Variants in MEF2C observed in about 807,000 individuals in gnomAD.
MEF2C encodes the protein myocyte enhancer factor 2C.
A neutral mutation model predicts 50.5 loss-of-function variants in MEF2C; 6 were observed. The observed-to-expected ratio is 0.12, with a 90% CI of 0.07 to 0.23. The LOEUF (loss-of-function observed/expected upper bound fraction) is 0.23. Among genes scored for constraint, MEF2C ranks in the 10% least tolerant of loss-of-function variants. The pLI, the probability that MEF2C is intolerant of heterozygous loss-of-function variation, is 1.00. For missense variants in MEF2C, 276 were observed against 605.0 expected, an observed-to-expected ratio of 0.46 and a Z score of 5.70; for synonymous variants, 183 against 228.0, an observed-to-expected ratio of 0.80 and a Z score of 1.78.
chr5:88,800,203 G>A (rs1227146545), intron 3 of MEF2C, among the ~76,000 whole-genome samples: 1 of 152,138 alleles, frequency 6.6e-6, no homozygotes, highest in East Asian at 1.9e-4. Flanking sequence ...GTTACAAAAC[G>A]TGCTGGATAT....
At chr5:88,782,338 T>C (rs1245111770) in intron 3 of MEF2C, 1 of 195,880 alleles carries the variant, frequency 5.1e-6, no homozygotes, top group Non-Finnish European at 9.2e-6. Flanking sequence ...TGGTGGTATG[T>C]GCCTGTGGTC....
chr5:88,896,607 T>TA lies in MEF2C; in HGVS notation c.-240+7308dup, dbSNP rs142468757. 1.2e-3 allele frequency among the ~76,000 whole-genome samples: 186 copies of TA among 152,306 alleles called. 1 individual carries two copies. The highest frequency in any genetic ancestry group is 4.4e-3 in the African/African-American group (182 of 41,564). On this transcript the variant is annotated intron_variant, in intron 1 of 11. Transcript: ENST00000340208. ...AATATTTCCCAACTTAGTGTAGTCT[T>TA]AAATCTTTAAATAAAGAGTATCCAT...
intron 1 of MEF2C, among the ~76,000 whole-genome samples, chr5:88,837,230 T>C (rs1815508579): frequency 6.6e-6 from 1 of 152,064 alleles, no homozygotes; most frequent in Non-Finnish European, 1.5e-5. Flanking sequence ...TTCAGACCAA[T>C]ACTTGGCTCA....
chr5:88,848,135 C>T (rs1284044661), intron 1 of MEF2C, among the ~76,000 whole-genome samples: 1 of 152,034 alleles, frequency 6.6e-6, no homozygotes, highest in Non-Finnish European at 1.5e-5. Context: ...CTTTAATTGT[C>T]ATAACTTTTA....
intron 5 of MEF2C, chr5:88,749,594 A>T (rs1771632649): frequency 3.0e-6 from 2 of 665,162 alleles, no homozygotes; most frequent in Non-Finnish European, 3.7e-6. Context: ...TTATTGACTG[A>T]CACAATATAA....
chr5:88,782,144 A>G, intron 3 of MEF2C: 1 of 980,732 alleles, frequency 1.0e-6, no homozygotes, highest in African/African-American at 1.7e-5. Context: ...TTATGTTTCA[A>G]TTTACTGTAA....
chr5:88,854,054 A>C (rs1822352928), intron 1 of MEF2C, among the ~76,000 whole-genome samples: 1 of 152,224 alleles, frequency 6.6e-6, no homozygotes, highest in Non-Finnish European at 1.5e-5. Flanking sequence ...AGGTGGAAGC[A>C]TTCTTTATCT....
intron 3 of MEF2C, among the ~76,000 whole-genome samples, chr5:88,774,595 A>G (rs1783962753): frequency 6.6e-6 from 1 of 152,018 alleles, no homozygotes; most frequent in South Asian, 2.1e-4. Flanking sequence ...GTAAGTTTCT[A>G]CCTTTTATCT....
At chr5:88,798,852 G>C (rs182656782) in intron 3 of MEF2C, among the ~76,000 whole-genome samples, 2 of 152,284 alleles carry the variant, frequency 1.3e-5, no homozygotes, top group East Asian at 3.9e-4. Context: ...TGTTGATGTT[G>C]ATGCTATTCC....
At chr5:88,806,931 T>TA (rs778577284) in intron 2 of MEF2C, among the ~76,000 whole-genome samples, 2 of 152,194 alleles carry the variant, frequency 1.3e-5, no homozygotes, top group Non-Finnish European at 2.9e-5. Flanking sequence ...GGGCACATGG[T>TA]AAAAATCCAT....
chr5:88,865,959 T>C (rs926537236), intron 1 of MEF2C, among the ~76,000 whole-genome samples: 1 of 151,800 alleles, frequency 6.6e-6, no homozygotes, highest in Non-Finnish European at 1.5e-5. Context: ...GCAGTGACTC[T>C]ATCTCGGCTC....
At chr5:88,782,250 T>C (rs970019623) in intron 3 of MEF2C, 19 of 739,994 alleles carry the variant, frequency 2.6e-5, no homozygotes, top group Admixed American at 1.3e-4. Context: ...GGAGGATCAC[T>C]TGAGCCCAGG....
rs140907544 is a variant in MEF2C, at chr5:88,793,487, T to G, written c.258+11111A>C. ...TATATCTGTATCTCCAGGCATTTCA[T>G]AGCATATAACACAGAGCAGGAATTC... On this transcript the variant is annotated intron_variant, in intron 3 of 10. Coordinates refer to ENST00000504921, the MANE Select transcript of MEF2C (RefSeq NM_002397.5). Among the ~76,000 whole-genome samples the G allele has an allele frequency of 2.0e-5, 3 of 152,234 alleles. No individual in the cohort carries two copies. In the East Asian group the frequency reaches 5.8e-4, roughly 29 times the overall value.
intron 1 of MEF2C, among the ~76,000 whole-genome samples, chr5:88,833,997 T>TA (rs1259969519): frequency 7.2e-5 from 11 of 152,242 alleles, no homozygotes; most frequent in African/African-American, 2.6e-4. Flanking sequence ...ACTTTGTAGT[T>TA]ATAGCATTCC....
chr5:88,754,919 T>G (rs1774589895), intron 4 of MEF2C, among the ~76,000 whole-genome samples: 1 of 152,176 alleles, frequency 6.6e-6, no homozygotes, highest in Non-Finnish European at 1.5e-5. Context: ...TCTGCCTCCC[T>G]GCCTCATTTC....
intron 1 of MEF2C, among the ~76,000 whole-genome samples, chr5:88,900,624 T>C (rs1005062200): frequency 3.3e-5 from 5 of 151,994 alleles, no homozygotes; most frequent in Non-Finnish European, 5.9e-5. Flanking sequence ...TAGAACTACA[T>C]TTTAATATGC....
At chr5:88,808,342 T>C (rs1006925308) in intron 2 of MEF2C, among the ~76,000 whole-genome samples, 4 of 152,204 alleles carry the variant, frequency 2.6e-5, no homozygotes, top group African/African-American at 9.6e-5. Flanking sequence ...ATATGTGGAA[T>C]GTCTCAATAC....
intron 3 of MEF2C, among the ~76,000 whole-genome samples, chr5:88,786,701 G>GTA (rs1296122802): frequency 3.9e-5 from 6 of 152,226 alleles, no homozygotes; most frequent in East Asian, 1.9e-4. Flanking sequence ...ATATATGTGT[G>GTA]TATATATATA....
At chr5:88,732,010 T>C (rs1000806380) in intron 6 of MEF2C, 109 bp from the exon 7 acceptor site, 2 of 994,956 alleles carry the variant, frequency 2.0e-6, no homozygotes, top group East Asian at 5.3e-5. Flanking sequence ...AAGACGTACA[T>C]TGCAAAACCA....
Sources: gnomAD v4.1 joint callset for allele counts (sites outside exome capture counted in the v4.1 genomes callset) on GRCh38, gnomAD v4.1.1 for gene constraint, MANE v1.5 for transcripts, NCBI Gene and HGNC (gene_info 2026-07-23, HGNC 2026-07-21) for gene names.